LAMA2: variants seen among roughly 807,000 people sequenced by gnomAD.
LAMA2 encodes the protein laminin subunit alpha 2.
LAMA2 carries 269 observed loss-of-function variants against 364.8 expected under a neutral mutation model. The ratio of observed to expected loss-of-function variants is 0.74; its 90% CI spans 0.67 to 0.82. The LOEUF is 0.82. Among genes scored for constraint, LAMA2 ranks in the 40% least tolerant of loss-of-function variants. The pLI is 0.00. For missense variants in LAMA2, 3,807 were observed against 3,873.2 expected, an observed-to-expected ratio of 0.98 and a Z score of 0.45; for synonymous variants, 1,379 against 1,370.6, an observed-to-expected ratio of 1.01 and a Z score of -0.14.
At chr6:129,179,404 T>C (rs972447623) in intron 10 of LAMA2, among the ~76,000 whole-genome samples, 27 of 151,978 alleles carry the variant, frequency 1.8e-4, no homozygotes, top group Non-Finnish European at 2.9e-4. Context: ...ACTCATACAG[T>C]GGTGATGTCT....
At chr6:129,491,341 T>C (rs1784851500) in intron 56 of LAMA2, among the ~76,000 whole-genome samples, 1 of 152,170 alleles carries the variant, frequency 6.6e-6, no homozygotes, top group African/African-American at 2.4e-5. Flanking sequence ...GGAAAATTAA[T>C]GAAACAGCCA....
At chr6:129,350,486 C>A (rs1276956330) in intron 31 of LAMA2, among the ~76,000 whole-genome samples, 1 of 152,212 alleles carries the variant, frequency 6.6e-6, no homozygotes, top group African/African-American at 2.4e-5. Context: ...CATGACTAAC[C>A]AGCGTGAGAG....
At chr6:129,366,106 C>A in intron 32 of LAMA2, 113 bp from the exon 33 acceptor site, 1 of 1,137,816 alleles carries the variant, frequency 8.8e-7, no homozygotes, top group Non-Finnish European at 1.3e-6. Flanking sequence ...TGAGTAGTTT[C>A]ATCTTCCATG....
Position 129,492,386 on chromosome 6 carries a change from G to A in LAMA2, c.8147G>A (p.Arg2716His), listed in dbSNP as rs142781107. Residue 2716 changes from arginine (R) to histidine (H), a missense_variant, in exon 58 of 65, where the codon CGT becomes CAT. By Grantham distance (29) the Arg-to-His change is conservative. Transcript: ENST00000421865. The stretch of plus-strand genomic sequence containing the variant: ...GGTCGCTGTGCCCATCAGAAACTCC[G>A]TGAAGATGAAGATGGAGCAGCTCCA... ...DIGRCAHQKL[R>H]EDEDGAAPAE... 9.7e-5 allele frequency: 157 copies of A among 1,613,980 alleles called. No homozygotes were observed. Among genetic ancestry groups the A allele is most frequent in the Middle Eastern group, 1.6e-4 (1 of 6,084 alleles).
At chr6:129,085,487 C>T (rs1774325173) in intron 3 of LAMA2, among the ~76,000 whole-genome samples, 1 of 152,148 alleles carries the variant, frequency 6.6e-6, no homozygotes, top group Admixed American at 6.6e-5. Flanking sequence ...TAGCATGAGT[C>T]CTAGTTTGAT....
At position 129,095,983 on chromosome 6, in the gene LAMA2, ATTC is replaced by A. The variant is rs1459981676; in HGVS notation, c.397-2181_397-2179del. Among the ~76,000 whole-genome samples, 7 of 151,896 alleles carry A rather than the reference ATTC, an allele frequency of 4.6e-5. No individual in the cohort carries two copies. The East Asian group carries it at 9.7e-4, about 21-fold the overall frequency. ...GCCTCCACAAGCCCACAATTTAGTT[ATTC>A]TTCTTCTTTATGATTTTAAGACCTT... On this transcript the variant is annotated intron_variant, in intron 3 of 64. Transcript: ENST00000421865.
intron 1 of LAMA2, among the ~76,000 whole-genome samples, chr6:128,953,032 A>G (rs932019371): frequency 2.0e-5 from 3 of 152,134 alleles, no homozygotes; most frequent in African/African-American, 7.2e-5. Flanking sequence ...AGGAGGAAAA[A>G]TACCTCCTGT....
chr6:129,208,246 T>C (rs1782811736), intron 12 of LAMA2, among the ~76,000 whole-genome samples: 2 of 152,216 alleles, frequency 1.3e-5, no homozygotes, highest in Non-Finnish European at 2.9e-5. Context: ...TCTGTGACAC[T>C]GTTTCTTAAT....
At chr6:129,467,681 G>A (rs560489827) in intron 51 of LAMA2, among the ~76,000 whole-genome samples, 2 of 151,886 alleles carry the variant, frequency 1.3e-5, no homozygotes, top group Admixed American at 6.6e-5. Flanking sequence ...TCTTGGAAAC[G>A]CTAATTTCCA....
intron 53 of LAMA2, among the ~76,000 whole-genome samples, chr6:129,478,254 AAAAT>A (rs10598266): frequency 0.63 from 96,218 of 151,696 alleles, 31,503 homozygotes; most frequent in Non-Finnish European, 0.72. Context: ...AATCTTTTTC[AAAAT>A]AAATAAACGT....
intron 1 of LAMA2, among the ~76,000 whole-genome samples, chr6:128,922,392 T>C (rs1252200839): frequency 1.3e-4 from 20 of 151,736 alleles, no homozygotes; most frequent in East Asian, 3.9e-4. Flanking sequence ...TTTTTAATGA[T>C]TGCCATTCTA....
chr6:128,984,436 C>A (rs1176080642), intron 1 of LAMA2, among the ~76,000 whole-genome samples: 1 of 152,154 alleles, frequency 6.6e-6, no homozygotes. Context: ...TCATCAGAGA[C>A]AAGTATCCAC....
chr6:128,901,188 G>T (rs925036192), intron 1 of LAMA2, among the ~76,000 whole-genome samples: 8 of 152,088 alleles, frequency 5.3e-5, no homozygotes, highest in Non-Finnish European at 8.8e-5. Flanking sequence ...TTCATTATTT[G>T]ATCCAAAACA....
intron 32 of LAMA2, among the ~76,000 whole-genome samples, chr6:129,365,597 A>G (rs1006181227): frequency 1.3e-5 from 2 of 151,984 alleles, no homozygotes. Context: ...TCCTGACCTC[A>G]GGTGATCCAC....
chr6:128,979,312 C>T (rs894174968), intron 1 of LAMA2, among the ~76,000 whole-genome samples: 28 of 152,104 alleles, frequency 1.8e-4, no homozygotes, highest in African/African-American at 4.6e-4. Context: ...CCAATGTCTC[C>T]GTTTGAACTA....
In LAMA2 at chr6:129,093,670, A is replaced by G. The variant is rs191622071; in HGVS notation, c.397-4503A>G. Among the ~76,000 whole-genome samples the G allele has an allele frequency of 2.6e-5, 4 of 152,352 alleles. No individual in the cohort carries two copies. In the East Asian group the frequency reaches 7.7e-4, roughly 29 times the overall value. On this transcript the variant is annotated intron_variant, in intron 3 of 64. Transcript: ENST00000421865. ...TCTTCTTATTATAGGAGGAACATCT[A>G]ATTCAATGCTACATCAGTAATTAAA...
At chr6:129,241,192 G>C (rs577293698) in intron 12 of LAMA2, among the ~76,000 whole-genome samples, 1 of 152,148 alleles carries the variant, frequency 6.6e-6, no homozygotes, top group Non-Finnish European at 1.5e-5. Context: ...GTGATATATG[G>C]TGTTGAATGT....
intron 41 of LAMA2, among the ~76,000 whole-genome samples, chr6:129,432,536 G>C (rs780377761): frequency 6.6e-6 from 1 of 152,166 alleles, no homozygotes; most frequent in Non-Finnish European, 1.5e-5. Context: ...TTCAGAATCA[G>C]AGTCTGAGAT....
chr6:129,064,584 G>T (rs1392139287), intron 3 of LAMA2, among the ~76,000 whole-genome samples: 1 of 152,002 alleles, frequency 6.6e-6, no homozygotes, highest in Non-Finnish European at 1.5e-5. Flanking sequence ...AGAATTGAAA[G>T]AGGAGACATT....
Sources: gnomAD v4.1 joint callset for allele counts (sites outside exome capture counted in the v4.1 genomes callset) on GRCh38, gnomAD v4.1.1 for gene constraint, MANE v1.5 for transcripts, NCBI Gene and HGNC (gene_info 2026-07-23, HGNC 2026-07-21) for gene names.